Variants in KCNMA1 observed in about 807,000 individuals in gnomAD.
KCNMA1 encodes the protein Calcium-activated potassium channel subunit alpha-1.
A neutral mutation model predicts 140.0 loss-of-function variants in KCNMA1; 29 were observed. The observed-to-expected ratio is 0.21, with a 90% CI of 0.15 to 0.28. The LOEUF is 0.28. KCNMA1 is among the 10% of genes least tolerant of loss of function. KCNMA1 has a pLI of 1.00. For synonymous variants in KCNMA1, 612 were observed against 611.9 expected (o/e 1.00, Z 0.00); for missense variants, 880 against 1,602.2 (o/e 0.55, Z 7.70).
In KCNMA1 at chr10:77,233,687, T is replaced by C. The variant is rs143424854; in HGVS notation, c.602+17508A>G. Among the ~76,000 whole-genome samples, 40 of 152,324 alleles carry C rather than the reference T, an allele frequency of 2.6e-4. No individual in the cohort carries two copies. The East Asian group carries it at 7.3e-3, about 28-fold the overall frequency. On this transcript the variant is annotated intron_variant, in intron 3 of 27. Transcript: ENST00000286628. Reference sequence around the variant, plus strand: ...AGTGCCTATTGTTTGAAGAATGCAGTCTTGCAAGCCTGCTGTGATTCAAAC... The same window carrying C: ...AGTGCCTATTGTTTGAAGAATGCAGCCTTGCAAGCCTGCTGTGATTCAAAC...
intron 27 of KCNMA1, 90 bp downstream of exon 27, chr10:76,889,361 T>C (rs1468712292): frequency 3.8e-5 from 34 of 885,868 alleles, no homozygotes; most frequent in Non-Finnish European, 6.3e-5. Flanking sequence ...AGGAGATGTA[T>C]ACAGACCTTT....
intron 25 of KCNMA1, among the ~76,000 whole-genome samples, chr10:76,897,825 T>C (rs1187366813): frequency 6.6e-6 from 1 of 151,840 alleles, no homozygotes; most frequent in East Asian, 1.9e-4. Flanking sequence ...AAAAATGAGA[T>C]GAGATAGAGA....
chr10:77,477,186 T>C (rs985831715), intron 1 of KCNMA1, among the ~76,000 whole-genome samples: 1 of 152,184 alleles, frequency 6.6e-6, no homozygotes, highest in Middle Eastern at 3.2e-3. Flanking sequence ...ATGGAAAACA[T>C]GATAAAACAC....
chr10:77,171,131 T>TCAG (rs979192615), intron 5 of KCNMA1, among the ~76,000 whole-genome samples: 2 of 152,088 alleles, frequency 1.3e-5, no homozygotes, highest in Admixed American at 6.6e-5. Flanking sequence ...GGCCCCCAGA[T>TCAG]CAGCAGCAGC....
chr10:77,382,876 A>AT (rs2095444155), intron 2 of KCNMA1, among the ~76,000 whole-genome samples: 1 of 130,542 alleles, frequency 7.7e-6, no homozygotes, highest in Non-Finnish European at 1.6e-5. Flanking sequence ...AAAAAAAAAA[A>AT]AAAAAAAAAA....
intron 1 of KCNMA1, among the ~76,000 whole-genome samples, chr10:77,405,320 T>C (rs190807444): frequency 2.5e-3 from 374 of 152,362 alleles, no homozygotes; most frequent in Non-Finnish European, 4.5e-3. Flanking sequence ...ATATACTTAA[T>C]AATTCATTTA....
intron 1 of KCNMA1, among the ~76,000 whole-genome samples, chr10:77,474,722 T>C (rs2098241146): frequency 6.6e-6 from 1 of 152,016 alleles, no homozygotes; most frequent in Non-Finnish European, 1.5e-5. Context: ...TATGACTCCC[T>C]GAGAGAATGT....
rs199561331 is a variant in KCNMA1 at position 76,887,090 on chromosome 10, T to C, written c.*176A>G. ...CTTATTTGCTGTTGTGCTCAAGGGT[T>C]TTATGGTGGTGAAATAAAAATGACA... On this transcript the variant is annotated 3_prime_UTR_variant, in exon 28 of 28. Transcript: ENST00000286628. The C allele has an allele frequency of 2.6e-6, 4 of 1,551,908 alleles. No homozygotes were observed. Among genetic ancestry groups the C allele is most frequent in the Non-Finnish European group, 3.5e-6 (4 of 1,153,740 alleles).
chr10:76,885,425 G>C lies in KCNMA1; in HGVS notation c.*1841C>G, dbSNP rs1298754435. On this transcript the variant is annotated 3_prime_UTR_variant, in exon 28 of 28. Coordinates refer to ENST00000286628, the MANE Select transcript of KCNMA1 (RefSeq NM_001161352.2). ...ACTACGCTGCCCCTGTCTTTGGTGTGGGGGAGGGTGGAGGTTCTGACTGAG... is the reference window on the plus strand; with the variant it reads ...ACTACGCTGCCCCTGTCTTTGGTGTCGGGGAGGGTGGAGGTTCTGACTGAG... 7.1e-6 allele frequency: 7 copies of C among 985,106 alleles called. No individual in the cohort carries two copies. In the South Asian group the frequency reaches 2.8e-4, roughly 40 times the overall value. The allele number at this position is 985,106 out of a possible 1,614,324, so 61.0% of individuals were successfully genotyped here.
chr10:77,410,118 A>G (rs555442320), intron 1 of KCNMA1, among the ~76,000 whole-genome samples: 3 of 152,076 alleles, frequency 2.0e-5, no homozygotes, highest in East Asian at 3.9e-4. Flanking sequence ...AGGGCTCAAC[A>G]CTCAGATTCC....
chr10:77,086,162 T>C (rs1364453982), intron 11 of KCNMA1, among the ~76,000 whole-genome samples: 1 of 152,232 alleles, frequency 6.6e-6, no homozygotes, highest in Non-Finnish European at 1.5e-5. Flanking sequence ...TTGATTATTA[T>C]GTTGTATAAA....
intron 14 of KCNMA1, among the ~76,000 whole-genome samples, chr10:77,047,588 C>CTT (rs11304136): frequency 0.07 from 9,576 of 137,360 alleles, 361 homozygotes; most frequent in Middle Eastern, 0.13. Context: ...GGAAACTGGT[C>CTT]TTTTTTTTTT....
At chr10:77,439,015 G>A (rs922461275) in intron 1 of KCNMA1, among the ~76,000 whole-genome samples, 2 of 151,794 alleles carry the variant, frequency 1.3e-5, no homozygotes, top group African/African-American at 4.8e-5. Context: ...GGCCGAGGCC[G>A]AGCCCAGATC....
At chr10:77,554,326 G>A (rs1330722808) in intron 1 of KCNMA1, among the ~76,000 whole-genome samples, 1 of 152,134 alleles carries the variant, frequency 6.6e-6, no homozygotes, top group Non-Finnish European at 1.5e-5. Context: ...GCTGGGTGTG[G>A]TGGCTCACAC....
intron 19 of KCNMA1, among the ~76,000 whole-genome samples, chr10:76,976,535 T>A (rs1221604466): frequency 6.6e-6 from 1 of 152,174 alleles, no homozygotes; most frequent in Non-Finnish European, 1.5e-5. Flanking sequence ...TAGAATCCAA[T>A]TGGGTAAATT....
At chr10:77,403,457 C>T (rs150023306) in intron 2 of KCNMA1, among the ~76,000 whole-genome samples, 1 of 152,234 alleles carries the variant, frequency 6.6e-6, no homozygotes, top group African/African-American at 2.4e-5. Flanking sequence ...AGAACATCCC[C>T]CGAAGACCAC....
At chr10:77,348,621 G>A (rs2092497454) in intron 2 of KCNMA1, among the ~76,000 whole-genome samples, 2 of 152,304 alleles carry the variant, frequency 1.3e-5, no homozygotes, top group South Asian at 4.1e-4. Context: ...CTTGAAAGAA[G>A]AAGCTTTGTA....
chr10:77,103,864 G>A (rs1596011733), intron 9 of KCNMA1, among the ~76,000 whole-genome samples: 1 of 152,292 alleles, frequency 6.6e-6, no homozygotes, highest in Non-Finnish European at 1.5e-5. Context: ...CCAAAGTGAA[G>A]CTCATGCCTT....
At chr10:77,069,728 G>A (rs1480347280) in intron 14 of KCNMA1, among the ~76,000 whole-genome samples, 4 of 152,176 alleles carry the variant, frequency 2.6e-5, no homozygotes, top group Non-Finnish European at 4.4e-5. Context: ...CATTGATGGA[G>A]AGATAAAGAA....
Sources: gnomAD v4.1 joint callset for allele counts (sites outside exome capture counted in the v4.1 genomes callset) on GRCh38, gnomAD v4.1.1 for gene constraint, MANE v1.5 for transcripts, NCBI Gene and HGNC (gene_info 2026-07-23, HGNC 2026-07-21) for gene names.